RIPOR2: variants seen among roughly 807,000 people sequenced by gnomAD.
The protein encoded by RIPOR2 is rho family-interacting cell polarization regulator 2.
RIPOR2 carries 39 observed loss-of-function variants against 114.5 expected under a neutral mutation model. The observed-to-expected ratio is 0.34, with a 90% CI of 0.26 to 0.44. The LOEUF is 0.44. Among genes scored for constraint, RIPOR2 ranks in the 20% least tolerant of loss-of-function variants. The pLI, the probability that RIPOR2 is intolerant of heterozygous loss-of-function variation, is 1.00. For synonymous variants in RIPOR2, 445 were observed against 484.4 expected, an observed-to-expected ratio of 0.92 and a Z score of 1.07; for missense variants, 1,007 against 1,255.1, an observed-to-expected ratio of 0.80 and a Z score of 2.99.
chr6:25,001,384 G>A (rs996108533), intron 1 of RIPOR2, among the ~76,000 whole-genome samples: 1 of 152,024 alleles, frequency 6.6e-6, no homozygotes, highest in Admixed American at 6.5e-5. Flanking sequence ...CAGCACTTTG[G>A]GAGGCTGAGG....
intron 1 of RIPOR2, among the ~76,000 whole-genome samples, chr6:25,031,782 G>A (rs1776992627): frequency 9.8e-6 from 1 of 101,670 alleles, no homozygotes; most frequent in African/African-American, 3.8e-5. Flanking sequence ...TATATTCTAT[G>A]GATATCCATA....
At chr6:24,953,561 A>G (rs544601531) in intron 1 of RIPOR2, among the ~76,000 whole-genome samples, 3 of 152,330 alleles carry the variant, frequency 2.0e-5, no homozygotes, top group African/African-American at 7.2e-5. Context: ...ATGCTACTTC[A>G]AAGTGTGGTA....
intron 7 of RIPOR2, among the ~76,000 whole-genome samples, chr6:24,862,180 C>T (rs1053676387): frequency 2.6e-5 from 4 of 152,240 alleles, no homozygotes; most frequent in Admixed American, 1.3e-4. Context: ...GAAAGTGCTG[C>T]GGCCATGGGC....
chr6:25,011,739 G>A (rs1409373831), intron 1 of RIPOR2, among the ~76,000 whole-genome samples: 1 of 152,186 alleles, frequency 6.6e-6, no homozygotes, highest in African/African-American at 2.4e-5. Flanking sequence ...GCTAAAAATG[G>A]ACCGTAGACC....
intron 12 of RIPOR2, 125 bp downstream of exon 12, chr6:24,847,900 G>A (rs1420637365): frequency 1.7e-5 from 23 of 1,324,018 alleles, no homozygotes; most frequent in Non-Finnish European, 2.4e-5. Context: ...AGGAAAAACA[G>A]AGGAGGCTCA....
rs550936329 is a variant in RIPOR2, at chr6:24,925,104, C to G, written c.61+10734G>C. On this transcript the variant is annotated intron_variant, in intron 1 of 21. Coordinates refer to ENST00000643898, the MANE Select transcript of RIPOR2 (RefSeq NM_001286445.3). ...CTGCAAATGTTCATCTGTAAAAAAC[C>G]ATTCTTATCTTGCAGGTAGTTGGCT... is the stretch of plus-strand genomic sequence containing the variant. Among the ~76,000 whole-genome samples the G allele has an allele frequency of 2.0e-5, 3 of 152,238 alleles. 1 individual carries two copies. Among genetic ancestry groups the G allele is most frequent in the African/African-American group, 7.2e-5 (3 of 41,530 alleles).
At chr6:24,927,871 T>C (rs952044481) in intron 1 of RIPOR2, among the ~76,000 whole-genome samples, 3 of 152,186 alleles carry the variant, frequency 2.0e-5, no homozygotes, top group Non-Finnish European at 4.4e-5. Flanking sequence ...TCCCCTCAGT[T>C]TGGAAGTCTG....
At chr6:24,917,304 G>C (rs1770154497) in intron 1 of RIPOR2, among the ~76,000 whole-genome samples, 1 of 152,168 alleles carries the variant, frequency 6.6e-6, no homozygotes, top group African/African-American at 2.4e-5. Flanking sequence ...GAGAATCAGT[G>C]ATCTAGATGG....
chr6:24,894,967 T>C (rs1346959618), intron 1 of RIPOR2, among the ~76,000 whole-genome samples: 9 of 152,228 alleles, frequency 5.9e-5, no homozygotes, highest in Admixed American at 4.6e-4. Context: ...TAACTATCAA[T>C]AACTTCTAGA....
rs147156853 is a variant in RIPOR2 at position 24,957,331 on chromosome 6, G to T, written c.77-81514C>A. On this transcript the variant is annotated intron_variant, in intron 1 of 13. Transcript: ENST00000510784. ...TCCTCATAGCAAGACTATGATATAG[G>T]TACTATTTATATCCCCACTTTTCAT... Among the ~76,000 whole-genome samples, 5 of 152,224 alleles carry T rather than the reference G, an allele frequency of 3.3e-5. No individual in the cohort carries two copies. The East Asian group carries it at 9.6e-4, about 29-fold the overall frequency.
chr6:24,869,124 G>A lies in RIPOR2; in HGVS notation c.471C>T (p.Tyr157=). ...LDKQIKTIER[Y]MRRLEFHISK... ...TTATATGAAACTCCAGGCGTCTCAT[G>A]TATCTTTCAATTGTTTTAATTTGCT... The change falls in exon 6 of 22, where the codon TAC becomes TAT. Residue 157 remains tyrosine, a synonymous_variant. Transcript: ENST00000643898. The A allele has an allele frequency of 6.3e-7, 1 of 1,585,030 alleles. No individual in the cohort carries two copies. The highest frequency in any genetic ancestry group is 1.1e-5 in the South Asian group (1 of 88,906).
intron 1 of RIPOR2, among the ~76,000 whole-genome samples, chr6:24,952,967 G>A (rs11752037): frequency 0.28 from 41,963 of 152,132 alleles, 6,516 homozygotes; most frequent in Non-Finnish European, 0.36. Flanking sequence ...CTGAATGTAT[G>A]TGTCTCCCCG....
chr6:24,839,737 A>G, intron 13 of RIPOR2: 8 of 1,439,790 alleles, frequency 5.6e-6, no homozygotes, highest in Non-Finnish European at 7.2e-6. Flanking sequence ...AAATACCACA[A>G]GCAGACAAAT....
At chr6:24,963,884 T>C (rs1401094930) in intron 1 of RIPOR2, among the ~76,000 whole-genome samples, 1 of 152,080 alleles carries the variant, frequency 6.6e-6, no homozygotes, top group Non-Finnish European at 1.5e-5. Context: ...AATTGTAGAT[T>C]CACAGGACAT....
chr6:24,941,704 C>G (rs1437426455), intron 1 of RIPOR2, among the ~76,000 whole-genome samples: 1 of 152,178 alleles, frequency 6.6e-6, no homozygotes, highest in African/African-American at 2.4e-5. Context: ...CCTGTAGCTG[C>G]TACTGATAAT....
In RIPOR2 at chr6:25,023,235, A is replaced by T. The variant is rs1379160097; in HGVS notation, c.76+18616T>A. On this transcript the variant is annotated intron_variant, in intron 1 of 13. Transcript: ENST00000510784. ...CAAATTGAGGAGGCTCCAGCTCCTC[A>T]TTGTACAGGGGTCTATTTGGCAGTG... is the stretch of plus-strand genomic sequence containing the variant. The T allele has an allele frequency of 7.3e-6, 5 of 686,320 alleles. No individual in the cohort carries two copies. In the African/African-American group the frequency reaches 8.8e-5, roughly 12 times the overall value. 42.5% of individuals were successfully genotyped at this position (686,320 alleles called of 1,614,324 possible). A position where few individuals can be genotyped will look rare whatever the true frequency, so the allele number is the denominator to read the frequency against.
chr6:24,950,602 G>GT (rs1772698386), intron 1 of RIPOR2, among the ~76,000 whole-genome samples: 1 of 152,200 alleles, frequency 6.6e-6, no homozygotes, highest in South Asian at 2.1e-4. Context: ...AGGAATCTAA[G>GT]TGAATGGGCA....
intron 1 of RIPOR2, among the ~76,000 whole-genome samples, chr6:24,965,055 A>G (rs143812862): frequency 8.0e-4 from 121 of 151,676 alleles, no homozygotes; most frequent in African/African-American, 2.8e-3. Flanking sequence ...GTCATCTTTT[A>G]TTTTTTACTC....
chr6:24,843,603 T>G (rs1039367400), intron 12 of RIPOR2, 49 bp from the exon 13 acceptor site: 1 of 1,319,758 alleles, frequency 7.6e-7, no homozygotes. Context: ...AATGATGCAT[T>G]TGGCTTGGCA....
Sources: gnomAD v4.1 joint callset for allele counts (sites outside exome capture counted in the v4.1 genomes callset) on GRCh38, gnomAD v4.1.1 for gene constraint, MANE v1.5 for transcripts, NCBI Gene and HGNC (gene_info 2026-07-23, HGNC 2026-07-21) for gene names.